The following ERBIN variants were observed in gnomAD, a reference collection of about 807,000 sequenced individuals.
The protein encoded by ERBIN is densin-180-like protein.
A neutral mutation model predicts 158.4 loss-of-function variants in ERBIN; 60 were observed. That is an observed-to-expected ratio of 0.38 (90% CI 0.31 to 0.47). ERBIN has a LOEUF of 0.47. Among genes scored for constraint, ERBIN ranks in the 20% least tolerant of loss-of-function variants. The pLI is 0.99. For missense variants in ERBIN, 1,610 were observed against 1,648.0 expected (o/e 0.98, Z 0.40); for synonymous variants, 594 against 557.2 (o/e 1.07, Z -0.93).
At chr5:66,047,781 G>A (rs1758591685) in intron 18 of ERBIN, among the ~76,000 whole-genome samples, 1 of 152,000 alleles carries the variant, frequency 6.6e-6, no homozygotes. Flanking sequence ...ATGCACTGAA[G>A]CTAATGTCAC....
intron 1 of ERBIN, among the ~76,000 whole-genome samples, chr5:65,966,115 CTG>C (rs59926108): frequency 0.73 from 111,506 of 151,944 alleles, 42,658 homozygotes; most frequent in Non-Finnish European, 0.86. Flanking sequence ...CAATGATAGA[CTG>C]TATAAACAAT....
intron 4 of ERBIN, among the ~76,000 whole-genome samples, chr5:66,006,999 A>T (rs1468992701): frequency 4.1e-5 from 2 of 48,788 alleles, no homozygotes; most frequent in East Asian, 5.5e-4. Flanking sequence ...TTAGGGATCT[A>T]GAATAGAAAT....
rs1471977631 is a variant in ERBIN at position 65,992,811 on chromosome 5, T to C, written c.93T>C (p.His31=). The change falls in exon 3 of 26, where the codon CAT becomes CAC. Residue 31 remains histidine (H), a synonymous_variant. Transcript: ENST00000284037. ...CTGTCACTACTCTTGATTATTCTCA[T>C]TGCAGCTTAGAACAAGTTCCGAAAG... ...EETVTTLDYS[H]CSLEQVPKEI... 2 of 1,613,846 alleles carry C rather than the reference T, an allele frequency of 1.2e-6. No homozygotes were observed. The highest frequency in any genetic ancestry group is 2.2e-5 in the South Asian group (2 of 91,028).
chr5:65,963,018 A>G (rs898666772), intron 1 of ERBIN, among the ~76,000 whole-genome samples: 1 of 152,204 alleles, frequency 6.6e-6, no homozygotes, highest in Admixed American at 6.5e-5. Flanking sequence ...TAAAACAACA[A>G]AATATACATT....
At position 66,044,191 on chromosome 5, in the gene ERBIN, G is replaced by T; in HGVS notation, c.1483G>T (p.Val495Phe). 1 of 1,607,932 alleles carries T rather than the reference G, an allele frequency of 6.2e-7. No homozygotes were observed. Among genetic ancestry groups the T allele is most frequent in the South Asian group, 1.1e-5 (1 of 89,558 alleles). ...ATACCCAGATGAGCTTAAGAATATG[G>T]TCAAAACTGTTCAAACCATTGTACA... ...TPYPDELKNM[V>F]KTVQTIVHRL... The change falls in exon 17 of 26, where the codon GTC becomes TTC. Residue 495 changes from valine (V) to phenylalanine (F), a missense_variant. Around this residue, in one of 2 missense-constraint regions of ERBIN, gnomAD observed 596 missense variants for 711.9 expected, o/e 0.84. Transcript: ENST00000284037.
At chr5:65,940,400 C>G (rs1744735933) in intron 1 of ERBIN, among the ~76,000 whole-genome samples, 1 of 143,630 alleles carries the variant, frequency 7.0e-6, no homozygotes. Context: ...GCAGCCACCT[C>G]GTCCGGGAGG....
At chr5:65,977,185 G>A (rs1468848229) in intron 1 of ERBIN, among the ~76,000 whole-genome samples, 4 of 143,460 alleles carry the variant, frequency 2.8e-5, no homozygotes, top group South Asian at 4.3e-4. Flanking sequence ...GCGGCTGGCC[G>A]GGCGGGGGGC....
At chr5:66,035,864 C>A (rs1395547968) in intron 14 of ERBIN, among the ~76,000 whole-genome samples, 1 of 152,118 alleles carries the variant, frequency 6.6e-6, no homozygotes, top group Non-Finnish European at 1.5e-5. Flanking sequence ...GAAGTCAAGG[C>A]AGGAGGCTTG....
chr5:66,045,235 T>A (rs77305218), intron 17 of ERBIN, among the ~76,000 whole-genome samples: 6,108 of 151,998 alleles, frequency 0.04, 419 homozygotes, highest in African/African-American at 0.14. Flanking sequence ...AGAAAAAATG[T>A]GTAATGGAGC....
chr5:65,957,163 A>C (rs1223466369), intron 1 of ERBIN, among the ~76,000 whole-genome samples: 3 of 151,392 alleles, frequency 2.0e-5, no homozygotes, highest in Admixed American at 6.6e-5. Flanking sequence ...TTTAGTACAG[A>C]TCGTCCCCAA....
At chr5:66,018,604 A>ATTATATAATATATATTATATAATATATAT in intron 7 of ERBIN, among the ~76,000 whole-genome samples, 2 of 91,358 alleles carry the variant, frequency 2.2e-5, no homozygotes, top group Admixed American at 2.0e-4. Flanking sequence ...TATATATTAT[A>ATTATATAATATATATTATATAATATATAT]TATACATACA....
intron 1 of ERBIN, among the ~76,000 whole-genome samples, chr5:65,931,338 G>A (rs1743350241): frequency 6.6e-6 from 1 of 152,174 alleles, no homozygotes; most frequent in African/African-American, 2.4e-5. Flanking sequence ...GTGTTACAGT[G>A]AAGCAATAGA....
chr5:66,064,511 GGAT>G (rs1213580547), intron 21 of ERBIN, among the ~76,000 whole-genome samples: 1 of 152,088 alleles, frequency 6.6e-6, no homozygotes, highest in Non-Finnish European at 1.5e-5. Flanking sequence ...AATTTTCCCA[GGAT>G]GATATGTGTT....
At chr5:66,017,258 T>A (rs534454248) in intron 7 of ERBIN, among the ~76,000 whole-genome samples, 4 of 152,274 alleles carry the variant, frequency 2.6e-5, no homozygotes, top group African/African-American at 4.8e-5. Context: ...TAATTTTTTT[T>A]AGGAACTTCT....
intron 15 of ERBIN, among the ~76,000 whole-genome samples, chr5:66,039,286 G>T (rs941405343): frequency 6.6e-6 from 1 of 151,784 alleles, no homozygotes; most frequent in African/African-American, 2.4e-5. Flanking sequence ...TTCTTTTGGA[G>T]CACAGCCACA....
intron 1 of ERBIN, among the ~76,000 whole-genome samples, chr5:65,970,928 T>C (rs185481056): frequency 6.2e-4 from 94 of 152,352 alleles, no homozygotes; most frequent in Non-Finnish European, 1.1e-3. Context: ...GGACCATTTA[T>C]CTTTGTATCT....
chr5:65,989,447 A>C (rs1580269211), intron 2 of ERBIN, among the ~76,000 whole-genome samples: 1 of 152,266 alleles, frequency 6.6e-6, no homozygotes, highest in Non-Finnish European at 1.5e-5. Context: ...GTCTCTATTC[A>C]CAGAAAGTTT....
At chr5:65,955,507 A>C (rs1270529048) in intron 1 of ERBIN, among the ~76,000 whole-genome samples, 1 of 152,066 alleles carries the variant, frequency 6.6e-6, no homozygotes, top group African/African-American at 2.4e-5. Flanking sequence ...GCGGGTGCCT[A>C]TAATCCCAGC....
Position 66,053,590 on chromosome 5 carries a change from C to T in ERBIN, c.2272C>T (p.His758Tyr). Residue 758 changes from histidine to tyrosine, a missense_variant, in exon 21 of 26, where the codon CAC (histidine) becomes TAC (tyrosine). By Grantham distance (83) the His-to-Tyr change is moderately conservative. Coordinates refer to ENST00000284037, the MANE Select transcript of ERBIN (RefSeq NM_001253697.2). ...CTCAACAGCCACAGCTGATGACACT[C>T]ACAAATTAGATCATATCAATATGAA... The part of the protein sequence containing the change: ...VDSTATADDT[H>Y]KLDHINMNLN... The T allele has an allele frequency of 6.2e-7, 1 of 1,610,706 alleles. No homozygotes were observed. The highest frequency in any genetic ancestry group is 8.5e-7 in the Non-Finnish European group (1 of 1,179,088).
Sources: allele counts gnomAD v4.1 joint callset (sites outside exome capture counted in the v4.1 genomes callset), GRCh38; gene constraint gnomAD v4.1.1; regional missense constraint gnomAD v4.1.1; transcripts MANE v1.5; gene names NCBI Gene and HGNC (gene_info 2026-07-23, HGNC 2026-07-21).